Variants in SLC39A1 observed in about 807,000 individuals in gnomAD.
SLC39A1 encodes the protein zinc transporter ZIP1.
Under a neutral mutation model 21.4 loss-of-function variants are expected in SLC39A1, and 17 were observed. The observed-to-expected ratio is 0.79, with a 90% CI of 0.54 to 1.19. The LOEUF (loss-of-function observed/expected upper bound fraction) is 1.19, where lower values mean the gene tolerates loss of function less well. SLC39A1 is among the 50% of genes most tolerant of loss of function. SLC39A1 has a pLI of 0.00. For synonymous variants in SLC39A1, 183 were observed against 185.9 expected (o/e 0.98, Z 0.13); for missense variants, 343 against 399.8 (o/e 0.86, Z 1.21).
In SLC39A1 at chr1:153,959,879, G is replaced by A. The variant is rs562484253; in HGVS notation, c.*219C>T. 17 of 556,524 alleles carry A rather than the reference G, an allele frequency of 3.1e-5. No homozygotes were observed. The highest frequency in any genetic ancestry group is 4.5e-5 in the Non-Finnish European group (14 of 308,588). 34.5% of individuals were successfully genotyped at this position (556,524 alleles called of 1,614,324 possible). On this transcript the variant is annotated 3_prime_UTR_variant, in exon 4 of 4. Transcript: ENST00000356205. ...TCCCCTGATATGTCTCTAGCGACTT[G>A]ACCATCTCTTGTTCCTTGGGACTGG...
chr1:153,961,772 C>T lies in SLC39A1; in HGVS notation c.318+448G>A, dbSNP rs955021638. ...TCCTATAATAAACCAAGTCCTATGC[C>T]GTGGACTTGATCATTCCTCACAGCC... is the stretch of plus-strand genomic sequence containing the variant. On this transcript the variant is annotated intron_variant, in intron 3 of 3. Coordinates refer to ENST00000356205, the MANE Select transcript of SLC39A1 (RefSeq NM_001271958.2). 4.6e-5 allele frequency among the ~76,000 whole-genome samples: 7 copies of T among 152,148 alleles called. No individual in the cohort carries two copies. The South Asian group carries it at 6.2e-4, about 14-fold the overall frequency.
chr1:153,960,561 G>A lies in SLC39A1; in HGVS notation c.512C>T (p.Ala171Val), dbSNP rs758519930. 8 of 1,614,066 alleles carry A rather than the reference G, an allele frequency of 5.0e-6. No homozygotes were observed. In the East Asian group the frequency reaches 1.8e-4, roughly 36 times the overall value. Residue 171 changes from alanine (A) to valine (V), a missense_variant, in exon 4 of 4, where the codon GCC becomes GTC. Transcript: ENST00000356205. ...DGPGVPQASG[A>V]PATPSALRAC... The stretch of plus-strand genomic sequence containing the variant: ...ACGCAAGGCTGAGGGGGTTGCTGGG[G>A]CTCCACTCGCCTGTGGGACCCCTGG...
In SLC39A1 at chr1:153,960,293, C is replaced by T. The variant is rs547073586; in HGVS notation, c.780G>A (p.Leu260=). Residue 260 remains leucine, a synonymous_variant, in exon 4 of 4, where the codon CTG becomes CTA. Coordinates refer to ENST00000356205, the MANE Select transcript of SLC39A1 (RefSeq NM_001271958.2). ...GGTGCAGAGGTCCTGCCGACTCTGCCAGAGCTGCACCCAGCCCGATGCCTA... is the reference window on the plus strand; with the variant it reads ...GGTGCAGAGGTCCTGCCGACTCTGCTAGAGCTGCACCCAGCCCGATGCCTA... ...TPLGIGLGAA[L]AESAGPLHQL... The T allele has an allele frequency of 1.2e-6, 2 of 1,614,078 alleles. No individual in the cohort carries two copies. The highest frequency in any genetic ancestry group is 1.1e-5 in the South Asian group (1 of 91,084).
At position 153,960,322 on chromosome 1, in the gene SLC39A1, G is replaced by A. The variant is rs754542240; in HGVS notation, c.751C>T (p.Pro251Ser). The change falls in exon 4 of 4, where the codon CCT becomes TCT. Residue 251 changes from proline to serine, a missense_variant. Pro to Ser is a moderately conservative substitution (Grantham distance 74). Coordinates refer to ENST00000356205, the MANE Select transcript of SLC39A1 (RefSeq NM_001271958.2). Reference sequence around the variant, plus strand: ...GCTGCACCCAGCCCGATGCCTAGAGGTGTCATGCATGAGAAGAGGATCCCA... The same window carrying A: ...GCTGCACCCAGCCCGATGCCTAGAGATGTCATGCATGAGAAGAGGATCCCA... ...GCGILFSCMT[P>S]LGIGLGAALA... 18 of 1,614,082 alleles carry A rather than the reference G, an allele frequency of 1.1e-5. No homozygotes were observed. Among genetic ancestry groups the A allele is most frequent in the Non-Finnish European group, 1.4e-5 (17 of 1,180,056 alleles).
In SLC39A1 at chr1:153,962,677, G is replaced by A. The variant is rs1203079032; in HGVS notation, c.39C>T (p.Arg13=). 6.2e-7 allele frequency: 1 copy of A among 1,609,574 alleles called. No individual in the cohort carries two copies. ...PWGEPELLVW[R]PEAVASEPPV... ...GAGGCTCTGAAGCTACCGCCTCGGG[G>A]CGCCACACCAGGAGCTCTGGCTCTC... is the stretch of plus-strand genomic sequence containing the variant. Residue 13 remains arginine (R), a synonymous_variant, in exon 2 of 4, where the codon CGC becomes CGT. Coordinates refer to ENST00000356205, the MANE Select transcript of SLC39A1 (RefSeq NM_001271958.2).
chr1:153,963,981 C>T (rs1267349212), upstream of SLC39A1, among the ~76,000 whole-genome samples: 1 of 152,264 alleles, frequency 6.6e-6, no homozygotes, highest in African/African-American at 2.4e-5. Context: ...AAGCATTCCC[C>T]TCTTGGGACC....
rs145264223 is a variant in SLC39A1, at chr1:153,959,898, G to A, written c.*200C>T. The A allele has an allele frequency of 2.1e-3, 1,234 of 589,970 alleles. 7 individuals are homozygous for A. Among genetic ancestry groups the A allele is most frequent in the Middle Eastern group, 0.018 (39 of 2,162 alleles). The allele number at this position is 589,970 out of a possible 1,614,324, so 36.5% of individuals were successfully genotyped here. A position where few individuals can be genotyped will look rare whatever the true frequency, so the allele number is the denominator to read the frequency against. On this transcript the variant is annotated 3_prime_UTR_variant, in exon 4 of 4. Transcript: ENST00000356205. The stretch of plus-strand genomic sequence containing the variant: ...CGACTTGACCATCTCTTGTTCCTTG[G>A]GACTGGGGCCAGCCTCTTGTCTGCC...
chr1:153,965,080 C>T (rs1478144623), upstream of SLC39A1: 1 of 151,984 alleles, frequency 6.6e-6, no homozygotes, highest in Non-Finnish European at 1.5e-5. Flanking sequence ...ATACATATGT[C>T]ATATATGATT....
chr1:153,966,203 T>G (rs1327490367), upstream of SLC39A1, among the ~76,000 whole-genome samples: 1 of 152,190 alleles, frequency 6.6e-6, no homozygotes, highest in East Asian at 1.9e-4. Context: ...TCTTCACTAC[T>G]TGAGCAGGAT....
At chr1:153,963,643 G>T (rs528759624), upstream of SLC39A1, 12 of 152,658 alleles carry the variant, frequency 7.9e-5, no homozygotes, top group Non-Finnish European at 1.2e-4. Flanking sequence ...GGGACAGACC[G>T]GGAGTGACGT....
In SLC39A1 at chr1:153,960,258, T is replaced by G. The variant is rs748534050; in HGVS notation, c.815A>C (p.Gln272Pro). 8 of 1,614,106 alleles carry G rather than the reference T, an allele frequency of 5.0e-6. No homozygotes were observed. The South Asian group carries it at 8.8e-5, about 18-fold the overall frequency. ...AGCTGCCATGCCCTCTAGCACAGAC[T>G]GGGCCAGCTGGTGCAGAGGTCCTGC... is the stretch of plus-strand genomic sequence containing the variant. ...ESAGPLHQLAQSVLEGMAAGT... is the reference protein window; with the variant it reads ...ESAGPLHQLAPSVLEGMAAGT... The change falls in exon 4 of 4, where the codon CAG becomes CCG. Residue 272 changes from glutamine to proline, a missense_variant. Gln to Pro is a moderately conservative substitution (Grantham distance 76). Transcript: ENST00000356205.
rs1456847985 is a variant in SLC39A1, at chr1:153,962,534, C to A, written c.182G>T (p.Gly61Val). 6.2e-7 allele frequency: 1 copy of A among 1,611,592 alleles called. No individual in the cohort carries two copies. ...VLRRPGANHEGSASRQKALSL... is the reference protein window; with the variant it reads ...VLRRPGANHEVSASRQKALSL... ...GGGGAAAAGGAGAGGCTTACCTGAG[C>A]CTTCATGGTTAGCTCCTGGCCGGCG... Residue 61 changes from glycine to valine, a missense_variant, in exon 2 of 4, where the codon GGC becomes GTC. Coordinates refer to ENST00000356205, the MANE Select transcript of SLC39A1 (RefSeq NM_001271958.2).
At chr1:153,962,881 C>T (rs1647567227) in intron 1 of SLC39A1, 134 bp from the exon 2 acceptor site, 2 of 599,022 alleles carry the variant, frequency 3.3e-6, no homozygotes, top group Non-Finnish European at 2.8e-6. Flanking sequence ...CAGGGTGACT[C>T]ATCTACTCCT....
chr1:153,965,744 G>A (rs974278859), upstream of SLC39A1, among the ~76,000 whole-genome samples: 3 of 151,636 alleles, frequency 2.0e-5, no homozygotes, highest in Admixed American at 2.0e-4. Flanking sequence ...CCGCCACCAC[G>A]CCCGGCTAAT....
At position 153,962,640 on chromosome 1, in the gene SLC39A1, C is replaced by T; in HGVS notation, c.76G>A (p.Gly26Arg). ...AVASEPPVPV[G>R]LEVKLGALVL... ...AGGGCCCCCAACTTCACCTCCAGCC[C>T]CACAGGCACTGGAGGCTCTGAAGCT... The change falls in exon 2 of 4, where the codon GGG (glycine) becomes AGG (arginine). Residue 26 changes from glycine to arginine, a missense_variant. Transcript: ENST00000356205. The T allele has an allele frequency of 6.2e-7, 1 of 1,613,128 alleles. No individual in the cohort carries two copies. The highest frequency in any genetic ancestry group is 8.5e-7 in the Non-Finnish European group (1 of 1,179,678).
At chr1:153,962,774 G>C in intron 1 of SLC39A1, 27 bp from the exon 2 acceptor site, 1 of 1,439,380 alleles carries the variant, frequency 6.9e-7, no homozygotes, top group Non-Finnish European at 9.2e-7. Context: ...GAGTGGTTGG[G>C]AAAAATCATG....
upstream of SLC39A1, among the ~76,000 whole-genome samples, chr1:153,965,677 C>T (rs984653157): frequency 6.6e-6 from 1 of 151,986 alleles, no homozygotes. Flanking sequence ...CTTCTGCCTC[C>T]CAGGTTTCAA....
At chr1:153,960,866 C>CA in intron 3 of SLC39A1, 112 bp from the exon 4 acceptor site, 1 of 952,120 alleles carries the variant, frequency 1.1e-6, no homozygotes, top group Non-Finnish European at 1.5e-6. Context: ...GGGCTACTCT[C>CA]AGTCACACAA....
upstream of SLC39A1, chr1:153,964,594 C>T (rs1049479304): frequency 6.6e-6 from 1 of 152,058 alleles, no homozygotes; most frequent in Non-Finnish European, 1.5e-5. Flanking sequence ...TAATGCTTCT[C>T]ACAAGGCTCC....
Sources: allele counts gnomAD v4.1 joint callset (sites outside exome capture counted in the v4.1 genomes callset), GRCh38; gene constraint gnomAD v4.1.1; transcripts MANE v1.5; gene names NCBI Gene and HGNC (gene_info 2026-07-23, HGNC 2026-07-21).